KLRG1: variants seen among roughly 807,000 people sequenced by gnomAD.
KLRG1 encodes killer cell lectin-like receptor subfamily G member 1.
Under a neutral mutation model 21.8 loss-of-function variants are expected in KLRG1, and 16 were observed. That is an observed-to-expected ratio of 0.73 (90% CI 0.50 to 1.11). The LOEUF (loss-of-function observed/expected upper bound fraction) is 1.11. KLRG1 is among the 50% of genes most tolerant of loss of function. KLRG1 has a pLI of 0.00. For synonymous variants in KLRG1, 69 were observed against 75.9 expected (o/e 0.91, Z 0.47); for missense variants, 173 against 218.3 (o/e 0.79, Z 1.31).
the KLRG1 span, among the ~76,000 whole-genome samples, chr12:9,205,412 A>C: frequency 6.6e-6 from 1 of 152,184 alleles, no homozygotes; most frequent in Non-Finnish European, 1.5e-5. Flanking sequence ...AAGAATTGTT[A>C]AGCTGTCTCT....
At chr12:9,068,134 C>T in the KLRG1 span, 1 of 1,600,850 alleles carries the variant, frequency 6.2e-7, no homozygotes, top group Non-Finnish European at 8.5e-7. Flanking sequence ...GTTTGGGGGG[C>T]AAGCTGAAGG....
At chr12:9,148,053 A>C in the KLRG1 span, among the ~76,000 whole-genome samples, 1 of 152,016 alleles carries the variant, frequency 6.6e-6, no homozygotes, top group Non-Finnish European at 1.5e-5. Context: ...ATTTGATTTT[A>C]CCATCTGCTA....
At chr12:9,072,852 T>G in the KLRG1 span, 50 of 1,613,850 alleles carry the variant, frequency 3.1e-5, no homozygotes, top group Non-Finnish European at 4.1e-5. Flanking sequence ...GGACAGAGCA[T>G]GGAGAGCCAC....
the KLRG1 span, chr12:9,202,335 C>A: frequency 1.9e-6 from 3 of 1,613,948 alleles, no homozygotes; most frequent in South Asian, 3.3e-5. Context: ...ATTTCGAGGG[C>A]GAAAATTTTC....
chr12:9,039,168 A>G, the KLRG1 span, among the ~76,000 whole-genome samples: 2 of 152,224 alleles, frequency 1.3e-5, no homozygotes, highest in African/African-American at 4.8e-5. Context: ...TAAATATAAC[A>G]TTAGTTATCA....
chr12:9,187,371 A>C, the KLRG1 span, among the ~76,000 whole-genome samples: 4 of 152,160 alleles, frequency 2.6e-5, no homozygotes, highest in Non-Finnish European at 5.9e-5. Context: ...ACAAAACAAC[A>C]ACACATACAT....
At chr12:9,106,529 T>G in the KLRG1 span, 3 of 1,598,918 alleles carry the variant, frequency 1.9e-6, no homozygotes, top group Non-Finnish European at 2.6e-6. Flanking sequence ...AGTGTGAAGT[T>G]TCATTTCATA....
At chr12:9,071,445 T>C in the KLRG1 span, among the ~76,000 whole-genome samples, 141 of 152,206 alleles carry the variant, frequency 9.3e-4, no homozygotes, top group African/African-American at 3.1e-3. Flanking sequence ...TATATATATA[T>C]ACTTAACTTT....
At chr12:9,128,353 T>G in the KLRG1 span, 1 of 159,378 alleles carries the variant, frequency 6.3e-6, no homozygotes, top group Non-Finnish European at 1.4e-5. Flanking sequence ...CAGCTCCAGA[T>G]GCACAAGTCC....
chr12:9,200,813 A>T, the KLRG1 span: 4 of 1,429,820 alleles, frequency 2.8e-6, no homozygotes, highest in Non-Finnish European at 3.8e-6. Context: ...ACATATCTAC[A>T]GGAAATTCAA....
chr12:9,113,372 A>G, the KLRG1 span: 1 of 1,613,578 alleles, frequency 6.2e-7, no homozygotes, highest in East Asian at 2.2e-5. Flanking sequence ...CGAAGGCGAC[A>G]CAGTGGAGTA....
exon 1 of KLRG1, chr12:8,950,127 C>T (rs764267777): frequency 6.6e-6 from 1 of 152,310 alleles, no homozygotes; most frequent in African/African-American, 2.4e-5. Context: ...GTGGAAGCTT[C>T]GAGTCTCGAC....
chr12:9,165,330 C>T, the KLRG1 span: 1 of 1,614,010 alleles, frequency 6.2e-7, no homozygotes, highest in African/African-American at 1.3e-5. Context: ...GTGATGGTGT[C>T]AGGGACTGTT....
At chr12:8,979,039 A>G (rs1242185062) in intron 1 of KLRG1, among the ~76,000 whole-genome samples, 2 of 113,808 alleles carry the variant, frequency 1.8e-5, no homozygotes, top group African/African-American at 3.5e-5. Context: ...TTTTTTAGAC[A>G]TATCTTGCTC....
chr12:9,116,313 A>C, the KLRG1 span: 93 of 215,328 alleles, frequency 4.3e-4, no homozygotes, highest in African/African-American at 2.0e-3. Flanking sequence ...GTGTGGCTGC[A>C]AGTTCTCCAT....
intron 1 of KLRG1, among the ~76,000 whole-genome samples, chr12:8,967,468 T>A (rs982798947): frequency 5.3e-5 from 8 of 152,162 alleles, no homozygotes; most frequent in African/African-American, 1.9e-4. Context: ...ACACCTGTAA[T>A]CCCAGCACTT....
chr12:9,158,463 C>T, the KLRG1 span: 2 of 1,614,154 alleles, frequency 1.2e-6, no homozygotes, highest in African/African-American at 1.3e-5. Flanking sequence ...CCTGAAACAG[C>T]CATTGTCCTT....
the KLRG1 span, chr12:9,028,740 C>G: frequency 5.5e-6 from 3 of 540,916 alleles, no homozygotes; most frequent in Non-Finnish European, 1.1e-5. Context: ...CCGCACCCGG[C>G]CTCAGTGTCT....
the KLRG1 span, chr12:9,091,134 C>T: frequency 1.3e-6 from 2 of 1,544,478 alleles, no homozygotes; most frequent in Non-Finnish European, 1.8e-6. Context: ...TTGCAGTATT[C>T]CTAGGAATGC....
Sources: gnomAD v4.1 joint callset for allele counts (sites outside exome capture counted in the v4.1 genomes callset) on GRCh38, gnomAD v4.1.1 for gene constraint, MANE v1.5 for transcripts, NCBI Gene and HGNC (gene_info 2026-07-23, HGNC 2026-07-21) for gene names.